Variants in CTNNA3 observed in about 807,000 individuals in gnomAD.
CTNNA3 encodes catenin alpha 3.
A neutral mutation model predicts 95.7 loss-of-function variants in CTNNA3; 76 were observed. That is an observed-to-expected ratio of 0.79 (90% confidence interval 0.66 to 0.96). CTNNA3 has a LOEUF of 0.96. CTNNA3 is among the 40% of genes least tolerant of loss of function. CTNNA3 has a pLI of 0.00. For synonymous variants in CTNNA3, 431 were observed against 374.4 expected (o/e 1.15, Z -1.74); for missense variants, 1,191 against 1,089.8 (o/e 1.09, Z -1.31).
intron 1 of CTNNA3, among the ~76,000 whole-genome samples, chr10:67,653,091 C>T (rs1014291160): frequency 1.9e-4 from 29 of 152,322 alleles, no homozygotes; most frequent in African/African-American, 5.5e-4. Context: ...GGCATCTGCT[C>T]AGCTTCTAGG....
chr10:67,122,629 G>C (rs969520309), intron 7 of CTNNA3, among the ~76,000 whole-genome samples: 2 of 152,146 alleles, frequency 1.3e-5, no homozygotes, highest in East Asian at 1.9e-4. Context: ...TCAAAACAAA[G>C]GAGCATTATT....
intron 16 of CTNNA3, among the ~76,000 whole-genome samples, chr10:65,973,849 A>T (rs2078158646): frequency 6.6e-6 from 1 of 151,750 alleles, no homozygotes; most frequent in Non-Finnish European, 1.5e-5. Context: ...TTACCCAAAC[A>T]CCTCCCACCA....
intron 9 of CTNNA3, among the ~76,000 whole-genome samples, chr10:66,658,244 C>CT (rs201139121): frequency 1.4e-5 from 2 of 138,554 alleles, no homozygotes; most frequent in African/African-American, 2.5e-5. Flanking sequence ...CTCTCTCTCT[C>CT]CCCCTCCCTC....
intron 11 of CTNNA3, among the ~76,000 whole-genome samples, chr10:66,387,404 C>T (rs975262991): frequency 1.3e-5 from 2 of 152,150 alleles, no homozygotes; most frequent in Non-Finnish European, 2.9e-5. Context: ...GATACCATCT[C>T]ATGCCAGTTA....
intron 1 of CTNNA3, among the ~76,000 whole-genome samples, chr10:67,727,632 T>C (rs969879614): frequency 7.8e-6 from 1 of 128,610 alleles, no homozygotes; most frequent in Admixed American, 9.0e-5. Context: ...TGGTCTATTA[T>C]ATATTATATA....
At chr10:67,444,587 A>T (rs907685791) in intron 5 of CTNNA3, among the ~76,000 whole-genome samples, 2 of 152,120 alleles carry the variant, frequency 1.3e-5, no homozygotes, top group Non-Finnish European at 2.9e-5. Flanking sequence ...AAAACAATAC[A>T]AAAGATCGAT....
intron 14 of CTNNA3, among the ~76,000 whole-genome samples, chr10:66,077,453 G>A (rs575604922): frequency 7.3e-5 from 11 of 151,380 alleles, no homozygotes; most frequent in Non-Finnish European, 1.0e-4. Flanking sequence ...ACCACTTTTC[G>A]GACTTTCCTG....
intron 1 of CTNNA3, among the ~76,000 whole-genome samples, chr10:67,650,921 C>A (rs773952500): frequency 6.6e-6 from 1 of 152,054 alleles, no homozygotes; most frequent in African/African-American, 2.4e-5. Context: ...CATTTGGCAC[C>A]TACTTCTCCT....
intron 11 of CTNNA3, among the ~76,000 whole-genome samples, chr10:66,430,579 A>G (rs2093285458): frequency 6.6e-6 from 1 of 152,186 alleles, no homozygotes. Flanking sequence ...AACAGAACAG[A>G]GCCCTCAGAA....
chr10:66,733,078 C>T (rs1192371730), intron 9 of CTNNA3, among the ~76,000 whole-genome samples: 1 of 151,918 alleles, frequency 6.6e-6, no homozygotes, highest in Non-Finnish European at 1.5e-5. Context: ...TTACAAGTGT[C>T]AGCCACCACA....
At chr10:67,089,587 T>C (rs1857506280) in intron 7 of CTNNA3, among the ~76,000 whole-genome samples, 1 of 152,036 alleles carries the variant, frequency 6.6e-6, no homozygotes, top group Admixed American at 6.6e-5. Flanking sequence ...ATATGGACTC[T>C]TGCCAATAAA....
At chr10:66,443,840 T>A (rs1033024183) in intron 11 of CTNNA3, among the ~76,000 whole-genome samples, 1 of 151,884 alleles carries the variant, frequency 6.6e-6, no homozygotes, top group Non-Finnish European at 1.5e-5. Flanking sequence ...CATTGATGAG[T>A]TGAGAGAAGA....
At chr10:67,450,962 C>T (rs1350886829) in intron 5 of CTNNA3, among the ~76,000 whole-genome samples, 5 of 151,516 alleles carry the variant, frequency 3.3e-5, no homozygotes, top group Admixed American at 6.6e-5. Context: ...TGAAAGTGTC[C>T]CCAAAGTTCA....
chr10:66,158,049 A>G lies in CTNNA3; in HGVS notation c.1885-54800T>C, dbSNP rs952283441. Among the ~76,000 whole-genome samples, 6 of 152,042 alleles carry G rather than the reference A, an allele frequency of 3.9e-5. No individual in the cohort carries two copies. In the East Asian group the frequency reaches 1.2e-3, roughly 29 times the overall value. ...ACTGATTTGTTTGAGTTCATTCTAG[A>G]TTCTGTATATTAGTCCTTTGTCAGA... On this transcript the variant is annotated intron_variant, in intron 13 of 17. Transcript: ENST00000433211.
intron 5 of CTNNA3, among the ~76,000 whole-genome samples, chr10:67,328,240 A>C (rs185677705): frequency 3.3e-5 from 5 of 152,226 alleles, no homozygotes; most frequent in Admixed American, 2.0e-4. Flanking sequence ...ATCCTGCTGG[A>C]GCTCTCTACC....
Position 66,634,019 on chromosome 10 carries a change from C to T in CTNNA3, c.1282-12235G>A, listed in dbSNP as rs372332447. Among the ~76,000 whole-genome samples the T allele has an allele frequency of 1.3e-4, 20 of 152,194 alleles. No individual in the cohort carries two copies. In the South Asian group the frequency reaches 3.9e-3, roughly 30 times the overall value. Reference sequence around the variant, plus strand: ...GAAAGATGGTAAGGTTTTGTGTATGCATATGGAAATGTGATATCCAAAATG... The same window carrying T: ...GAAAGATGGTAAGGTTTTGTGTATGTATATGGAAATGTGATATCCAAAATG... On this transcript the variant is annotated intron_variant, in intron 9 of 17. Transcript: ENST00000433211.
rs1209098709 is a variant in CTNNA3, at chr10:66,365,136, A to T, written c.1732+14016T>A. Among the ~76,000 whole-genome samples the T allele has an allele frequency of 2.0e-5, 3 of 152,248 alleles. No homozygotes were observed. The East Asian group carries it at 5.8e-4, about 29-fold the overall frequency. On this transcript the variant is annotated intron_variant, in intron 12 of 17. Coordinates refer to ENST00000433211, the MANE Select transcript of CTNNA3 (RefSeq NM_013266.4). Reference sequence around the variant, plus strand: ...ATGTGTAGTCTCTCGGAACCAACCCAAATGTCCATCAATGATAGATTGGAT... The same window carrying T: ...ATGTGTAGTCTCTCGGAACCAACCCTAATGTCCATCAATGATAGATTGGAT...
chr10:67,428,957 C>T (rs936626659), intron 5 of CTNNA3, among the ~76,000 whole-genome samples: 3 of 151,836 alleles, frequency 2.0e-5, no homozygotes, highest in Non-Finnish European at 4.4e-5. Context: ...TTAATAAATG[C>T]CCATTTATAT....
intron 13 of CTNNA3, among the ~76,000 whole-genome samples, chr10:66,161,587 T>C (rs1323980718): frequency 6.6e-6 from 1 of 152,194 alleles, no homozygotes; most frequent in Non-Finnish European, 1.5e-5. Context: ...TGATAGGTTT[T>C]CCTTTATAGG....
Sources: gnomAD v4.1 joint callset for allele counts (sites outside exome capture counted in the v4.1 genomes callset) on GRCh38, gnomAD v4.1.1 for gene constraint, MANE v1.5 for transcripts, NCBI Gene and HGNC (gene_info 2026-07-23, HGNC 2026-07-21) for gene names.